BLTP3A: variants seen among roughly 807,000 people sequenced by gnomAD.
The protein encoded by BLTP3A is ICBP90 binding protein 1.
the BLTP3A span, among the ~76,000 whole-genome samples, chr6:34,827,180 G>A: frequency 1.3e-4 from 20 of 152,054 alleles, no homozygotes; most frequent in African/African-American, 3.6e-4. Flanking sequence ...GCGTGGTGGC[G>A]CGTGCCTGTA....
At chr6:34,796,666 A>G in the BLTP3A span, among the ~76,000 whole-genome samples, 55,213 of 152,166 alleles carry the variant, frequency 0.36, 11,956 homozygotes, top group African/African-American at 0.61. Flanking sequence ...AAAGGCAAGC[A>G]TCTATCGTTA....
At chr6:34,833,657 G>A in the BLTP3A span, among the ~76,000 whole-genome samples, 9 of 151,830 alleles carry the variant, frequency 5.9e-5, no homozygotes, top group Non-Finnish European at 8.8e-5. Context: ...GTCCAGGTGC[G>A]GTGGCTCACG....
At chr6:34,847,921 CTT>C in the BLTP3A span, among the ~76,000 whole-genome samples, 54 of 91,144 alleles carry the variant, frequency 5.9e-4, 4 homozygotes, top group East Asian at 0.013. Flanking sequence ...TCTTTTTTTC[CTT>C]TTTTTTTTTT....
the BLTP3A span, among the ~76,000 whole-genome samples, chr6:34,817,460 A>C: frequency 6.6e-6 from 1 of 151,986 alleles, no homozygotes; most frequent in Non-Finnish European, 1.5e-5. Context: ...GAAGCTAATT[A>C]TTAACTCCTA....
At chr6:34,845,458 G>T in the BLTP3A span, among the ~76,000 whole-genome samples, 1 of 151,970 alleles carries the variant, frequency 6.6e-6, no homozygotes, top group African/African-American at 2.4e-5. Flanking sequence ...TTGCTCTGTT[G>T]CCCAGGCTGA....
chr6:34,834,579 C>A, the BLTP3A span: 1 of 1,352,040 alleles, frequency 7.4e-7, no homozygotes, highest in South Asian at 1.4e-5. Context: ...ATTATGGATC[C>A]CCAATTCACT....
the BLTP3A span, among the ~76,000 whole-genome samples, chr6:34,807,722 A>G: frequency 4.6e-5 from 7 of 152,326 alleles, no homozygotes; most frequent in Middle Eastern, 3.4e-3. Context: ...TGTCTATGAA[A>G]GAAATATGGG....
the BLTP3A span, among the ~76,000 whole-genome samples, chr6:34,863,826 T>C: frequency 6.6e-6 from 1 of 152,194 alleles, no homozygotes; most frequent in Non-Finnish European, 1.5e-5. Flanking sequence ...AGGCCAGTGA[T>C]TGAAAAATGA....
chr6:34,825,264 TC>T, the BLTP3A span, among the ~76,000 whole-genome samples: 4 of 152,174 alleles, frequency 2.6e-5, no homozygotes, highest in Non-Finnish European at 4.4e-5. Flanking sequence ...TAAGAATACT[TC>T]CAAGGGGGTG....
chr6:34,868,574 A>C, the BLTP3A span, among the ~76,000 whole-genome samples: 1 of 151,368 alleles, frequency 6.6e-6, no homozygotes, highest in Non-Finnish European at 1.5e-5. Context: ...ATACAAAAAA[A>C]TTAGCTAGGT....
the BLTP3A span, among the ~76,000 whole-genome samples, chr6:34,792,887 C>G: frequency 6.6e-6 from 1 of 152,218 alleles, no homozygotes; most frequent in Non-Finnish European, 1.5e-5. Flanking sequence ...CCACCTCCTC[C>G]TCTTCTGTCT....
chr6:34,844,695 T>G, the BLTP3A span, among the ~76,000 whole-genome samples: 1 of 152,256 alleles, frequency 6.6e-6, no homozygotes, highest in Non-Finnish European at 1.5e-5. Flanking sequence ...TTTGCCCATT[T>G]TTAATTGGAT....
At chr6:34,811,682 C>G in the BLTP3A span, among the ~76,000 whole-genome samples, 5 of 113,748 alleles carry the variant, frequency 4.4e-5, no homozygotes, top group East Asian at 1.2e-3. Flanking sequence ...AGACCCCCCC[C>G]CCCGCATCTC....
chr6:34,872,072 T>C, the BLTP3A span: 1 of 911,006 alleles, frequency 1.1e-6, no homozygotes, highest in Non-Finnish European at 1.6e-6. Flanking sequence ...CAGCGGCTTC[T>C]AGAAGTGCTG....
chr6:34,858,571 G>A, the BLTP3A span: 6 of 1,614,202 alleles, frequency 3.7e-6, no homozygotes, highest in Non-Finnish European at 5.1e-6. Flanking sequence ...GCAAGCCCAG[G>A]CACGGAAGCT....
chr6:34,822,730 G>T, the BLTP3A span, among the ~76,000 whole-genome samples: 52 of 151,946 alleles, frequency 3.4e-4, 1 homozygote, highest in Admixed American at 2.2e-3. Flanking sequence ...GGTGGCAGGC[G>T]CCTGTAATCC....
the BLTP3A span, among the ~76,000 whole-genome samples, chr6:34,812,526 A>G: frequency 2.0e-5 from 3 of 152,154 alleles, no homozygotes; most frequent in African/African-American, 7.2e-5. Context: ...GCTGGAGTGT[A>G]GAGGCACCAT....
chr6:34,870,731 G>T, the BLTP3A span: 1 of 1,303,572 alleles, frequency 7.7e-7, no homozygotes. Context: ...CTGTGACTTC[G>T]TTCAGTCAGA....
the BLTP3A span, among the ~76,000 whole-genome samples, chr6:34,810,126 A>G: frequency 6.6e-6 from 1 of 152,218 alleles, no homozygotes. Context: ...GCAGATCTCA[A>G]TCTATAGGAA....
Sources: allele counts gnomAD v4.1 joint callset (sites outside exome capture counted in the v4.1 genomes callset), GRCh38; gene constraint gnomAD v4.1.1; transcripts MANE v1.5; gene names NCBI Gene and HGNC (gene_info 2026-07-23, HGNC 2026-07-21).